Variants in SPART observed in about 807,000 individuals in gnomAD.
SPART encodes spastic paraplegia 20 (Troyer syndrome).
SPART carries 35 observed loss-of-function variants against 58.7 expected under a neutral mutation model. The observed-to-expected ratio is 0.60, with a 90% CI of 0.46 to 0.79. SPART has a LOEUF of 0.79. Among genes scored for constraint, SPART ranks in the 30% least tolerant of loss-of-function variants. The pLI, the probability that SPART is intolerant of heterozygous loss-of-function variation, is 0.00. For synonymous variants in SPART, 284 were observed against 280.7 expected, an observed-to-expected ratio of 1.01 and a Z score of -0.12; for missense variants, 730 against 786.1, an observed-to-expected ratio of 0.93 and a Z score of 0.85.
At chr13:36,346,047 T>C (rs922449220) in intron 1 of SPART, among the ~76,000 whole-genome samples, 178 bp downstream of exon 1, 3 of 152,178 alleles carry the variant, frequency 2.0e-5, no homozygotes, top group African/African-American at 7.2e-5. Context: ...CTATTCTCTC[T>C]CGAAATCGCT....
intron 1 of SPART, among the ~76,000 whole-genome samples, chr13:36,361,691 T>C (rs1292218527): frequency 6.6e-6 from 1 of 152,112 alleles, no homozygotes; most frequent in African/African-American, 2.4e-5. Flanking sequence ...CCTGGCCCCT[T>C]TGCATCACCC....
chr13:36,335,781 C>T lies in SPART; in HGVS notation c.50G>A (p.Arg17Lys), dbSNP rs2137556766. The change falls in exon 2 of 9, where the codon AGA becomes AAA. Residue 17 changes from arginine (R) to lysine (K), a missense_variant. Transcript: ENST00000438666. ...NGEPAEIKIIREAYKKAFLFV... is the reference protein window; with the variant it reads ...NGEPAEIKIIKEAYKKAFLFV... ...TAAAAAGGCCTTCTTATATGCTTCT[C>T]TGATGATCTTAATTTCAGCAGGTTC... The T allele has an allele frequency of 6.2e-7, 1 of 1,613,812 alleles. No individual in the cohort carries two copies. The highest frequency in any genetic ancestry group is 2.2e-5 in the East Asian group (1 of 44,882).
chr13:36,365,413 T>G (rs1886016982), intron 1 of SPART: 1 of 340,584 alleles, frequency 2.9e-6, no homozygotes. Flanking sequence ...TGTTACTATG[T>G]TATTATTATT....
At position 36,304,419 on chromosome 13, in the gene SPART, C is replaced by T. The variant is rs752758737; in HGVS notation, c.1947G>A (p.Gly649=). ...QEGAANVNVR[G]EKDEQTKEVK... ...CTTCCTTCGTCTGCTCATCCTTCTC[C>T]CCTCTCACGTTGACATTTGCTGCTC... The change falls in exon 9 of 9, where the codon GGG becomes GGA. Residue 649 remains glycine, a synonymous_variant. Coordinates refer to ENST00000438666, the MANE Select transcript of SPART (RefSeq NM_015087.5). 1 of 1,614,094 alleles carries T rather than the reference C, an allele frequency of 6.2e-7. No individual in the cohort carries two copies. Among genetic ancestry groups the T allele is most frequent in the Non-Finnish European group, 8.5e-7 (1 of 1,179,988 alleles).
rs1250085873 is a variant in SPART, at chr13:36,323,281, A to G, written c.1288+3294T>C. Among the ~76,000 whole-genome samples the G allele has an allele frequency of 2.6e-5, 4 of 152,290 alleles. No homozygotes were observed. In the East Asian group the frequency reaches 7.7e-4, roughly 29 times the overall value. The stretch of plus-strand genomic sequence containing the variant: ...CTCACAACCACTAAAGTGTTTCAGA[A>G]TGGTTGAAGGTAGATTGCTCCAAAG... On this transcript the variant is annotated intron_variant, in intron 5 of 8. Transcript: ENST00000438666.
At chr13:36,365,467 T>G (rs1886018511) in intron 1 of SPART, 3 of 366,252 alleles carry the variant, frequency 8.2e-6, no homozygotes, top group Middle Eastern at 1.9e-3. Context: ...TCCAAAATGT[T>G]TTTCATTTTG....
At position 36,304,229 on chromosome 13, in the gene SPART, A is replaced by G. The variant is rs1015711980; in HGVS notation, c.*136T>C. 1.9e-6 allele frequency: 2 copies of G among 1,067,494 alleles called. No homozygotes were observed. The highest frequency in any genetic ancestry group is 3.2e-5 in the African/African-American group (2 of 63,256). The allele number at this position is 1,067,494 out of a possible 1,614,324, so 66.1% of individuals were successfully genotyped here. ...TTTTAAATAGAAGACATGCCATAAA[A>G]TTTATGAAAGTTAATTTGTAGGAAT... On this transcript the variant is annotated 3_prime_UTR_variant, in exon 9 of 9. Coordinates refer to ENST00000438666, the MANE Select transcript of SPART (RefSeq NM_015087.5).
In SPART at chr13:36,301,659, T is replaced by C. The variant is rs1240367310; in HGVS notation, c.*2706A>G. On this transcript the variant is annotated 3_prime_UTR_variant, in exon 9 of 9. Coordinates refer to ENST00000438666, the MANE Select transcript of SPART (RefSeq NM_015087.5). ...CAAATTAAAATTATGAGATACTTTT[T>C]TATATATGCTACATTAACAATAAAA... The C allele has an allele frequency of 6.6e-6, 1 of 152,166 alleles. No individual in the cohort carries two copies. 9.4% of individuals were successfully genotyped at this position (152,166 alleles called of 1,614,324 possible).
intron 1 of SPART, among the ~76,000 whole-genome samples, chr13:36,345,342 A>T (rs1465982584): frequency 6.6e-6 from 1 of 152,220 alleles, no homozygotes; most frequent in Non-Finnish European, 1.5e-5. Context: ...AATTAAGTCT[A>T]CGATTATAAA....
rs1408296800 is a variant in SPART at position 36,302,669 on chromosome 13, T to C, written c.*1696A>G. The C allele has an allele frequency of 6.6e-6, 1 of 152,206 alleles. No individual in the cohort carries two copies. Among genetic ancestry groups the C allele is most frequent in the African/African-American group, 2.4e-5 (1 of 41,454 alleles). The allele number at this position is 152,206 out of a possible 1,614,324, so 9.4% of individuals were successfully genotyped here. A position where few individuals can be genotyped will look rare whatever the true frequency, so the allele number is the denominator to read the frequency against. On this transcript the variant is annotated 3_prime_UTR_variant, in exon 9 of 9. Coordinates refer to ENST00000438666, the MANE Select transcript of SPART (RefSeq NM_015087.5). The stretch of plus-strand genomic sequence containing the variant: ...TTATGGGATACATGAGATATTTTGA[T>C]ACAGGTATGCGATTTATAATAATTA...
rs76522408 is a variant in SPART, at chr13:36,357,676, T to A, written c.-3+12413A>T. On this transcript the variant is annotated intron_variant, in intron 1 of 8. Coordinates refer to the SPART transcript ENST00000355182. ...TGGTTATGTTCAGGTATTCTCTGTA[T>A]ACTTATAAAAGGTTTTTAAATTCTA... 6.1e-3 allele frequency among the ~76,000 whole-genome samples: 926 copies of A among 152,346 alleles called. 7 individuals are homozygous for A. Among genetic ancestry groups the A allele is most frequent in the African/African-American group, 0.021 (881 of 41,570 alleles).
intron 1 of SPART, among the ~76,000 whole-genome samples, chr13:36,366,733 C>T (rs1886070475): frequency 6.6e-6 from 1 of 152,154 alleles, no homozygotes; most frequent in South Asian, 2.1e-4. Context: ...CTGTCTTTGC[C>T]CTTCCTTCTT....
chr13:36,312,720 G>A (rs1881263729), intron 6 of SPART: 1 of 556,172 alleles, frequency 1.8e-6, no homozygotes, highest in Non-Finnish European at 3.2e-6. Flanking sequence ...TGGGACTACA[G>A]GCATGAAGCA....
At chr13:36,342,524 G>A (rs372702478) in intron 1 of SPART, among the ~76,000 whole-genome samples, 1 of 152,136 alleles carries the variant, frequency 6.6e-6, no homozygotes, top group East Asian at 1.9e-4. Context: ...GGGTTTCTCA[G>A]TCTTGGCATG....
chr13:36,314,289 G>C lies in SPART; in HGVS notation c.1421C>G (p.Thr474Ser), dbSNP rs760212570. ...EKPVEVSPAV[T>S]KGLYIAKQAT... ...TTGCTTCGCTATATAAAGTCCCTTG[G>C]TGACAGCTGGACTAACTTCCACGGG... The change falls in exon 6 of 9, where the codon ACC (threonine) becomes AGC (serine). Residue 474 changes from threonine to serine, a missense_variant. Thr to Ser is a moderately conservative substitution (Grantham distance 58). Coordinates refer to ENST00000438666, the MANE Select transcript of SPART (RefSeq NM_015087.5). The C allele has an allele frequency of 1.9e-6, 3 of 1,614,096 alleles. No homozygotes were observed. In the East Asian group the frequency reaches 6.7e-5, roughly 36 times the overall value.
At chr13:36,330,802 C>G (rs1427531377) in intron 3 of SPART, among the ~76,000 whole-genome samples, 1 of 152,080 alleles carries the variant, frequency 6.6e-6, no homozygotes, top group East Asian at 1.9e-4. Flanking sequence ...ATCATATTTT[C>G]TTTTTATTTT....
chr13:36,309,019 C>G (rs1425809950), intron 8 of SPART, among the ~76,000 whole-genome samples: 1 of 152,086 alleles, frequency 6.6e-6, no homozygotes, highest in East Asian at 1.9e-4. Flanking sequence ...CCGAGGTGGG[C>G]AGATCACGAA....
At chr13:36,324,064 G>C (rs1882674191) in intron 5 of SPART, among the ~76,000 whole-genome samples, 1 of 152,172 alleles carries the variant, frequency 6.6e-6, no homozygotes, top group South Asian at 2.1e-4. Context: ...GAGATTTAGT[G>C]GCAGCTGATG....
chr13:36,370,000 A>G lies in SPART; in HGVS notation c.-3+89T>C, dbSNP rs538599314. 8 of 152,388 alleles carry G rather than the reference A, an allele frequency of 5.2e-5. No homozygotes were observed. The South Asian group carries it at 1.4e-3, about 28-fold the overall frequency. 9.4% of individuals were successfully genotyped at this position (152,388 alleles called of 1,614,324 possible). ...AAATAAAGCTCCTCCGGCCCCGCCC[A>G]ATACCTTCTGAAAGAAGGAGGGTTA... is the stretch of plus-strand genomic sequence containing the variant. On this transcript the variant is annotated intron_variant, in intron 1 of 8. Transcript: ENST00000355182.
Sources: gnomAD v4.1 joint callset for allele counts (sites outside exome capture counted in the v4.1 genomes callset) on GRCh38, gnomAD v4.1.1 for gene constraint, MANE v1.5 for transcripts, NCBI Gene and HGNC (gene_info 2026-07-23, HGNC 2026-07-21) for gene names.